NDFIP2: variants seen among roughly 807,000 people sequenced by gnomAD.
NDFIP2 encodes the protein NEDD4 family-interacting protein 2.
A neutral mutation model predicts 36.0 loss-of-function variants in NDFIP2; 19 were observed. The ratio of observed to expected loss-of-function variants is 0.53; its 90% CI spans 0.37 to 0.77. NDFIP2 has a LOEUF of 0.77. Ranked by LOEUF, NDFIP2 falls within the 30% of genes least tolerant of loss-of-function variation. NDFIP2 has a pLI of 0.00. For synonymous variants in NDFIP2, 181 were observed against 167.7 expected, an observed-to-expected ratio of 1.08 and a Z score of -0.61; for missense variants, 446 against 435.8, an observed-to-expected ratio of 1.02 and a Z score of -0.21.
Position 79,555,615 on chromosome 13 carries a change from G to A in NDFIP2, c.*3102G>A, listed in dbSNP as rs115975942. The A allele has an allele frequency of 2.1e-3, 325 of 151,998 alleles. 3 individuals carry two copies. The highest frequency in any genetic ancestry group is 7.5e-3 in the African/African-American group (309 of 41,462). 9.4% of individuals were successfully genotyped at this position (151,998 alleles called of 1,614,324 possible). A position where few individuals can be genotyped will look rare whatever the true frequency, so the allele number is the denominator to read the frequency against. ...TGTATTTGAATGATTCCAGCTTATC[G>A]TAAATACTAAACTGAATGGCTTTTA... On this transcript the variant is annotated 3_prime_UTR_variant, in exon 8 of 8. Coordinates refer to ENST00000218652, the MANE Select transcript of NDFIP2 (RefSeq NM_019080.3).
At chr13:79,527,471 G>A (rs1874846049) in intron 2 of NDFIP2, among the ~76,000 whole-genome samples, 1 of 152,072 alleles carries the variant, frequency 6.6e-6, no homozygotes, top group Non-Finnish European at 1.5e-5. Context: ...TTTAAAGATG[G>A]TCATATGCTG....
chr13:79,528,410 T>TA (rs1386296097), intron 2 of NDFIP2, among the ~76,000 whole-genome samples: 2 of 152,154 alleles, frequency 1.3e-5, no homozygotes. Context: ...GTATATAAAG[T>TA]AAAAATACAG....
intron 1 of NDFIP2, among the ~76,000 whole-genome samples, chr13:79,506,640 T>A (rs546449578): frequency 5.3e-5 from 8 of 152,068 alleles, no homozygotes; most frequent in Non-Finnish European, 7.4e-5. Context: ...ATACTTTATT[T>A]TTAAAAAATA....
intron 1 of NDFIP2, among the ~76,000 whole-genome samples, chr13:79,507,942 T>C (rs1018090589): frequency 2.6e-5 from 4 of 152,176 alleles, no homozygotes; most frequent in Admixed American, 2.6e-4. Flanking sequence ...TGAATGTTTT[T>C]CTGCTTTTCT....
In NDFIP2 at chr13:79,481,163, ATC is replaced by A; in HGVS notation, c.-38_-37del. The A allele has an allele frequency of 6.9e-7, 1 of 1,444,856 alleles. No individual in the cohort carries two copies. The highest frequency in any genetic ancestry group is 9.0e-7 in the Non-Finnish European group (1 of 1,107,534). The allele number at this position is 1,444,856 out of a possible 1,614,324, so 89.5% of individuals were successfully genotyped here. A position where few individuals can be genotyped will look rare whatever the true frequency, so the allele number is the denominator to read the frequency against. ...TCCCCCGGACTTGCCTTACTTTTCCATCTCCTCCCACCCAGCTATACCCTCCC... is the reference window on the plus strand; with the variant it reads ...TCCCCCGGACTTGCCTTACTTTTCCATCCTCCCACCCAGCTATACCCTCCC... On this transcript the variant is annotated 5_prime_UTR_variant, in exon 1 of 8. Coordinates refer to ENST00000218652, the MANE Select transcript of NDFIP2 (RefSeq NM_019080.3).
intron 1 of NDFIP2, among the ~76,000 whole-genome samples, chr13:79,492,373 G>A (rs1171210251): frequency 6.7e-6 from 1 of 150,062 alleles, no homozygotes; most frequent in Non-Finnish European, 1.5e-5. Flanking sequence ...TGTGATTTCT[G>A]TCAAAAGGGA....
intron 4 of NDFIP2, among the ~76,000 whole-genome samples, chr13:79,540,023 T>C (rs1182695088): frequency 1.3e-5 from 2 of 152,240 alleles, no homozygotes; most frequent in Non-Finnish European, 2.9e-5. Context: ...CATGTAAAAG[T>C]ACATAAGCAT....
rs1876054509 is a variant in NDFIP2, at chr13:79,554,975, G to C, written c.*2462G>C. 6.6e-6 allele frequency: 1 copy of C among 151,728 alleles called. No individual in the cohort carries two copies. Among genetic ancestry groups the C allele is most frequent in the Non-Finnish European group, 1.5e-5 (1 of 67,806 alleles). 9.4% of individuals were successfully genotyped at this position (151,728 alleles called of 1,614,324 possible). ...TTTTCTATATAGTGTATGCAGGACA[G>C]ATTTTAGAAACTTAGATTAAAATAC... is the stretch of plus-strand genomic sequence containing the variant. On this transcript the variant is annotated 3_prime_UTR_variant, in exon 8 of 8. Coordinates refer to ENST00000218652, the MANE Select transcript of NDFIP2 (RefSeq NM_019080.3).
chr13:79,535,635 T>C (rs1347817217), intron 3 of NDFIP2, among the ~76,000 whole-genome samples: 1 of 152,344 alleles, frequency 6.6e-6, no homozygotes. Flanking sequence ...AAAAATCTTA[T>C]AAATTTACCA....
chr13:79,496,870 G>A (rs560030764), intron 1 of NDFIP2, among the ~76,000 whole-genome samples: 42 of 151,200 alleles, frequency 2.8e-4, no homozygotes, highest in African/African-American at 6.1e-4. Context: ...CATTTATTTC[G>A]TTTATTTTTT....
chr13:79,514,949 G>T (rs935031193), intron 1 of NDFIP2, among the ~76,000 whole-genome samples: 7 of 152,150 alleles, frequency 4.6e-5, no homozygotes, highest in African/African-American at 1.7e-4. Flanking sequence ...GGTGCTCTTT[G>T]TGTAGACCAT....
chr13:79,536,720 A>G (rs1875256378), intron 3 of NDFIP2, among the ~76,000 whole-genome samples: 1 of 152,140 alleles, frequency 6.6e-6, no homozygotes, highest in African/African-American at 2.4e-5. Flanking sequence ...TTTTTCTATT[A>G]ATATTATAAA....
In NDFIP2 at chr13:79,520,907, C is replaced by T; in HGVS notation, c.419C>T (p.Pro140Leu). Residue 140 changes from proline (P) to leucine (L), a missense_variant, in exon 2 of 8, where the codon CCA becomes CTA. This residue lies in a region of NDFIP2 where 369 missense variants were observed against 304.8 expected (regional missense o/e 1.21). Coordinates refer to ENST00000218652, the MANE Select transcript of NDFIP2 (RefSeq NM_019080.3). ...PQIVQAASSA[P>L]ALETDSSPPP... ...ATTGTGCAGGCTGCGTCTTCAGCAC[C>T]AGCACTTGAAACTGACTCTTCCCCT... 2 of 1,613,802 alleles carry T rather than the reference C, an allele frequency of 1.2e-6. No homozygotes were observed. Among genetic ancestry groups the T allele is most frequent in the Non-Finnish European group, 1.7e-6 (2 of 1,179,812 alleles).
At chr13:79,520,769 T>C in intron 1 of NDFIP2, 41 bp from the exon 2 acceptor site, 1 of 1,513,994 alleles carries the variant, frequency 6.6e-7, no homozygotes, top group Non-Finnish European at 8.9e-7. Context: ...AAAAAATAAT[T>C]AGCATTACAT....
chr13:79,502,781 A>T (rs57863151), intron 1 of NDFIP2, among the ~76,000 whole-genome samples: 6,533 of 152,138 alleles, frequency 0.043, 487 homozygotes, highest in African/African-American at 0.15. Flanking sequence ...GGGAGTATAT[A>T]CATACATATA....
intron 1 of NDFIP2, among the ~76,000 whole-genome samples, chr13:79,485,199 G>A (rs760308902): frequency 1.3e-5 from 2 of 152,124 alleles, no homozygotes; most frequent in Admixed American, 6.5e-5. Context: ...TCAGAACCAA[G>A]GGTGCAGCTC....
intron 6 of NDFIP2, among the ~76,000 whole-genome samples, chr13:79,549,849 A>T (rs987284): frequency 2.6e-5 from 4 of 151,550 alleles, no homozygotes; most frequent in Admixed American, 1.3e-4. Flanking sequence ...GAGTCCCAAA[A>T]GGAGGGAGTT....
In NDFIP2 at chr13:79,542,533, A is replaced by G. The variant is rs542724274; in HGVS notation, c.716-1025A>G. On this transcript the variant is annotated intron_variant, in intron 4 of 7. Transcript: ENST00000218652. ...TTTTGTTTTTTTTTTCAGACATTCT[A>G]ATAGTTTGGTGATGGTATCTTATTG... Among the ~76,000 whole-genome samples the G allele has an allele frequency of 5.4e-5, 8 of 148,130 alleles. No homozygotes were observed. The South Asian group carries it at 1.7e-3, about 31-fold the overall frequency.
chr13:79,523,006 A>C (rs777121017), intron 2 of NDFIP2, among the ~76,000 whole-genome samples: 9 of 152,078 alleles, frequency 5.9e-5, no homozygotes, highest in Non-Finnish European at 1.3e-4. Context: ...GTAGCACCAA[A>C]CCTTCTCCTT....
Sources: gnomAD v4.1 joint callset for allele counts (sites outside exome capture counted in the v4.1 genomes callset) on GRCh38, gnomAD v4.1.1 for gene constraint, gnomAD v4.1.1 regional missense constraint, MANE v1.5 for transcripts, NCBI Gene and HGNC (gene_info 2026-07-23, HGNC 2026-07-21) for gene names.